PXDN: variants seen among roughly 807,000 people sequenced by gnomAD.
PXDN encodes the protein peroxidasin, also known as peroxidasin homolog.
Under a neutral mutation model 140.3 loss-of-function variants are expected in PXDN, and 77 were observed. That is an observed-to-expected ratio of 0.55 (90% CI 0.46 to 0.66). The LOEUF is 0.66. Ranked by LOEUF, PXDN falls within the 30% of genes least tolerant of loss-of-function variation. The pLI is 0.00. For synonymous variants in PXDN, 911 were observed against 857.4 expected, an observed-to-expected ratio of 1.06 and a Z score of -1.09; for missense variants, 1,838 against 2,039.5, an observed-to-expected ratio of 0.90 and a Z score of 1.90.
chr2:1,702,579 C>T (rs1004162291), intron 1 of PXDN, among the ~76,000 whole-genome samples: 4 of 152,192 alleles, frequency 2.6e-5, no homozygotes, highest in African/African-American at 9.6e-5. Context: ...GAGGTCCCGA[C>T]GACAAATGTC....
At chr2:1,643,258 G>C (rs527590386) in intron 19 of PXDN, 110 bp downstream of exon 19, 20 of 1,127,724 alleles carry the variant, frequency 1.8e-5, no homozygotes, top group African/African-American at 3.1e-5. Context: ...TGAATATTTT[G>C]TTTTCAGTTT....
intron 1 of PXDN, among the ~76,000 whole-genome samples, chr2:1,725,129 C>A (rs2125484451): frequency 6.6e-6 from 1 of 152,264 alleles, no homozygotes. Context: ...GCTATCATAA[C>A]AGATTGTTTT....
In PXDN at chr2:1,714,220, G is replaced by A. The variant is rs1038977685; in HGVS notation, c.201-21086C>T. On this transcript the variant is annotated intron_variant, in intron 1 of 22. Transcript: ENST00000252804. This position sits in a 1 kb window ranked among gnomAD's most constrained non-coding sequence, Gnocchi z 4.3. The stretch of plus-strand genomic sequence containing the variant: ...GCACTTGATTACTATGGATTTACAC[G>A]TCACACCCGCAGCACCCTTGCGTAG... Among the ~76,000 whole-genome samples the A allele has an allele frequency of 6.6e-6, 1 of 151,994 alleles. No individual in the cohort carries two copies. The highest frequency in any genetic ancestry group is 2.4e-5 in the African/African-American group (1 of 41,356).
intron 1 of PXDN, among the ~76,000 whole-genome samples, chr2:1,703,374 T>G (rs187397798): frequency 0.079 from 366 of 4,612 alleles, no homozygotes; most frequent in Middle Eastern, 0.1. Flanking sequence ...CCAGGTGAAG[T>G]GGGGGACAGC....
At position 1,656,843 on chromosome 2, in the gene PXDN, T is replaced by C. The variant is rs555775436; in HGVS notation, c.1838-2335A>G. Among the ~76,000 whole-genome samples the C allele has an allele frequency of 2.2e-5, 3 of 137,726 alleles. No individual in the cohort carries two copies. The South Asian group carries it at 7.2e-4, about 33-fold the overall frequency. The allele number at this position is 137,726 out of a possible 152,430, so 90.4% of individuals were successfully genotyped here. On this transcript the variant is annotated intron_variant, in intron 14 of 22. Coordinates refer to ENST00000252804, the MANE Select transcript of PXDN (RefSeq NM_012293.3). The stretch of plus-strand genomic sequence containing the variant: ...GACAGGGACCGAAACCTGTACCCTC[T>C]TGACAGGGACTTGCCCCCTCCTGAC...
At chr2:1,640,292 G>C (rs1034082470) in intron 19 of PXDN, among the ~76,000 whole-genome samples, 3 of 152,272 alleles carry the variant, frequency 2.0e-5, no homozygotes, top group African/African-American at 4.8e-5. Context: ...AGCTGTGGCA[G>C]AGCACGAAAG....
At chr2:1,700,801 G>T (rs966051136) in intron 1 of PXDN, among the ~76,000 whole-genome samples, 1 of 152,132 alleles carries the variant, frequency 6.6e-6, no homozygotes, top group Non-Finnish European at 1.5e-5. Flanking sequence ...CTTGAACCCG[G>T]AAGGCAGAGG....
At position 1,648,696 on chromosome 2, in the gene PXDN, G is replaced by A. The variant is rs1682921322; in HGVS notation, c.3084C>T (p.His1028=). ...TCGGGAGCCAGTGCTGGTAGGTGAT[G>A]TGCTGGATCTCCGCACCCACGATCT... ...TRKIVGAEIQ[H]ITYQHWLPKI... is the part of the protein sequence containing the mutation. The change falls in exon 17 of 23, where the codon CAC becomes CAT. Residue 1028 remains histidine, a synonymous_variant. Transcript: ENST00000252804. The surrounding 1 kb of genome is among the most constrained non-coding windows in gnomAD (Gnocchi z 8.9). 10 of 1,607,036 alleles carry A rather than the reference G, an allele frequency of 6.2e-6. No homozygotes were observed. In the Admixed American group the frequency reaches 1.4e-4, roughly 22 times the overall value.
chr2:1,671,209 T>A lies in PXDN; in HGVS notation c.1018+2434A>T, dbSNP rs114498777. ...CATTTAAAATTTTCTAGGCTAACCA[T>A]TAAAAGAACAGAAATGGGCACATAG... On this transcript the variant is annotated intron_variant, in intron 9 of 22. Transcript: ENST00000252804. Among the ~76,000 whole-genome samples, 1,469 of 152,246 alleles carry A rather than the reference T, an allele frequency of 9.6e-3. 27 individuals are homozygous for A. Among genetic ancestry groups the A allele is most frequent in the African/African-American group, 0.033 (1,372 of 41,538 alleles).
At chr2:1,656,785 C>G (rs1305288982) in intron 14 of PXDN, among the ~76,000 whole-genome samples, 1 of 148,562 alleles carries the variant, frequency 6.7e-6, no homozygotes, top group African/African-American at 2.5e-5. Context: ...TGACAGGAAC[C>G]TGCCTTCTCC....
Position 1,714,634 on chromosome 2 carries a change from C to A in PXDN, c.201-21500G>T, listed in dbSNP as rs1436893554. 6.6e-6 allele frequency among the ~76,000 whole-genome samples: 1 copy of A among 152,158 alleles called. No individual in the cohort carries two copies. The highest frequency in any genetic ancestry group is 1.5e-5 in the Non-Finnish European group (1 of 68,038). On this transcript the variant is annotated intron_variant, in intron 1 of 22. Coordinates refer to ENST00000252804, the MANE Select transcript of PXDN (RefSeq NM_012293.3). This position sits in a 1 kb window ranked among gnomAD's most constrained non-coding sequence, Gnocchi z 4.3. ...GAATTCTGTCTCTGCAGCAGGAATGCGGCCACAGAAGAGGCGACCCGGTGG... is the reference window on the plus strand; with the variant it reads ...GAATTCTGTCTCTGCAGCAGGAATGAGGCCACAGAAGAGGCGACCCGGTGG...
chr2:1,653,991 ATAAT>A (rs1422496811), intron 15 of PXDN: 21 of 588,842 alleles, frequency 3.6e-5, no homozygotes, highest in South Asian at 1.8e-4. Flanking sequence ...CTAAAAACAA[ATAAT>A]TAATTAAGTC....
rs1337368279 is a variant in PXDN, at chr2:1,733,785, C to T, written c.200+10471G>A. On this transcript the variant is annotated intron_variant, in intron 1 of 22. Coordinates refer to ENST00000252804, the MANE Select transcript of PXDN (RefSeq NM_012293.3). ...AAAAAAAAGCAGTGTCAGAGAAAATCACCAACTCAGAATATTACTCAGGAA... is the reference window on the plus strand; with the variant it reads ...AAAAAAAAGCAGTGTCAGAGAAAATTACCAACTCAGAATATTACTCAGGAA... 2.3e-5 allele frequency among the ~76,000 whole-genome samples: 3 copies of T among 130,776 alleles called. No homozygotes were observed. In the East Asian group the frequency reaches 7.7e-4, roughly 33 times the overall value. The allele number at this position is 130,776 out of a possible 152,430, so 85.8% of individuals were successfully genotyped here.
At chr2:1,636,628 C>A (rs1296053034) in intron 21 of PXDN, 1 of 151,818 alleles carries the variant, frequency 6.6e-6, no homozygotes, top group Non-Finnish European at 1.5e-5. Context: ...TTCCTGCATG[C>A]CTCATTCATT....
intron 1 of PXDN, among the ~76,000 whole-genome samples, chr2:1,701,457 G>A (rs1425469467): frequency 6.6e-6 from 1 of 152,222 alleles, no homozygotes; most frequent in Non-Finnish European, 1.5e-5. Flanking sequence ...ACCGGCAGTC[G>A]CAGGAGAAAT....
rs890124803 is a variant in PXDN, at chr2:1,639,159, G to A, written c.4073+143C>T. The A allele has an allele frequency of 5.4e-6, 8 of 1,485,338 alleles. No individual in the cohort carries two copies. Among genetic ancestry groups the A allele is most frequent in the Non-Finnish European group, 7.3e-6 (8 of 1,102,456 alleles). 92.0% of individuals were successfully genotyped at this position (1,485,338 alleles called of 1,614,324 possible). A position where few individuals can be genotyped will look rare whatever the true frequency, so the allele number is the denominator to read the frequency against. On this transcript the variant is annotated intron_variant, in intron 20 of 22. Transcript: ENST00000252804. The surrounding 1 kb of genome is among the most constrained non-coding windows in gnomAD (Gnocchi z 5.0). Reference sequence around the variant, plus strand: ...TGGGCAGCACAGCAGGACGCAGGCTGCGGCCTGGCCCCCAGTGCCCTGGGA... The same window carrying A: ...TGGGCAGCACAGCAGGACGCAGGCTACGGCCTGGCCCCCAGTGCCCTGGGA...
At chr2:1,704,347 A>T (rs978194918) in intron 1 of PXDN, among the ~76,000 whole-genome samples, 1 of 24,342 alleles carries the variant, frequency 4.1e-5, no homozygotes, top group Non-Finnish European at 8.4e-5. Flanking sequence ...TCCAGGTGAA[A>T]GAGGGACAAC....
Position 1,685,870 on chromosome 2 carries a change from C to CA in PXDN, c.417-1720dup, listed in dbSNP as rs1277739127. Among the ~76,000 whole-genome samples, 4 of 152,092 alleles carry CA rather than the reference C, an allele frequency of 2.6e-5. No individual in the cohort carries two copies. Among genetic ancestry groups the CA allele is most frequent in the African/African-American group, 9.7e-5 (4 of 41,402 alleles). On this transcript the variant is annotated intron_variant, in intron 4 of 22. Transcript: ENST00000252804. This position sits in a 1 kb window ranked among gnomAD's most constrained non-coding sequence, Gnocchi z 5.1. ...GGACCAAAGACAGGAAATGGCTCCC[C>CA]AAGTATACTGAGGTCATCATTGAAT...
chr2:1,644,575 G>T, intron 18 of PXDN, 43 bp downstream of exon 18: 1 of 1,535,770 alleles, frequency 6.5e-7, no homozygotes, highest in Non-Finnish European at 8.8e-7. Context: ...TCCCTAAGAA[G>T]GTGGCTTAGG....
Sources: allele counts gnomAD v4.1 joint callset (sites outside exome capture counted in the v4.1 genomes callset), GRCh38; gene constraint gnomAD v4.1.1; non-coding constraint Gnocchi (gnomAD v3.1); transcripts MANE v1.5; gene names NCBI Gene and HGNC (gene_info 2026-07-23, HGNC 2026-07-21).